APAF1: variants seen among roughly 807,000 people sequenced by gnomAD.
APAF1 encodes apoptotic protease-activating factor 1.
A neutral mutation model predicts 152.4 loss-of-function variants in APAF1; 91 were observed. The observed-to-expected ratio is 0.60, with a 90% CI of 0.50 to 0.71. APAF1 has a LOEUF of 0.71. Ranked by LOEUF, APAF1 falls within the 30% of genes least tolerant of loss-of-function variation. APAF1 has a pLI of 0.00. For synonymous variants in APAF1, 484 were observed against 494.1 expected, an observed-to-expected ratio of 0.98 and a Z score of 0.27; for missense variants, 1,283 against 1,472.0, an observed-to-expected ratio of 0.87 and a Z score of 2.10.
chr12:98,671,622 C>A lies in APAF1; in HGVS notation c.1696C>A (p.Leu566Met), dbSNP rs983997538. Residue 566 changes from leucine to methionine, a missense_variant, in exon 12 of 27, where the codon CTG becomes ATG. Physicochemically the swap from Leu to Met is conservative, Grantham distance 15 (BLOSUM62 2). Transcript: ENST00000551964. The stretch of plus-strand genomic sequence containing the variant: ...ACAGCCATTTCCTAATATTGTACAA[C>A]TGGGTCTCTGTGAGCCGGAAACTTC... Reference protein sequence around the residue: ...GRQPFPNIVQLGLCEPETSEV... With the variant: ...GRQPFPNIVQMGLCEPETSEV... 1 of 1,613,966 alleles carries A rather than the reference C, an allele frequency of 6.2e-7. No homozygotes were observed. Among genetic ancestry groups the A allele is most frequent in the Non-Finnish European group, 8.5e-7 (1 of 1,180,008 alleles).
At chr12:98,688,247 C>T (rs1409966362) in intron 16 of APAF1, among the ~76,000 whole-genome samples, 1 of 152,132 alleles carries the variant, frequency 6.6e-6, no homozygotes, top group East Asian at 1.9e-4. Flanking sequence ...TCTCTATTGT[C>T]TCTCCTGTTT....
At position 98,700,772 on chromosome 12, in the gene APAF1, T is replaced by C. The variant is rs374978814; in HGVS notation, c.2466+1203T>C. Among the ~76,000 whole-genome samples, 8 of 152,326 alleles carry C rather than the reference T, an allele frequency of 5.3e-5. 1 individual carries two copies. The highest frequency in any genetic ancestry group is 1.9e-4 in the East Asian group (1 of 5,186). On this transcript the variant is annotated intron_variant, in intron 17 of 26. Coordinates refer to ENST00000551964, the MANE Select transcript of APAF1 (RefSeq NM_181861.2). ...TGTAACCATGAAGTAATAACTCCTC[T>C]TTCCCCTCTCTTGCTAGACCTTTGT...
intron 21 of APAF1, 87 bp from the exon 22 acceptor site, chr12:98,715,340 G>C: frequency 7.7e-7 from 1 of 1,298,900 alleles, no homozygotes; most frequent in Non-Finnish European, 1.1e-6. Flanking sequence ...GTACCCTCCA[G>C]TCTAATTTTA....
intron 14 of APAF1, among the ~76,000 whole-genome samples, chr12:98,682,538 A>G (rs1439123): frequency 0.19 from 28,879 of 152,230 alleles, 2,890 homozygotes; most frequent in Non-Finnish European, 0.22. Context: ...GGGAACAGTA[A>G]TAGGGTTGAA....
intron 4 of APAF1, among the ~76,000 whole-genome samples, chr12:98,653,383 G>A (rs1330241849): frequency 1.3e-5 from 2 of 151,706 alleles, no homozygotes; most frequent in African/African-American, 4.8e-5. Flanking sequence ...TTAGCTGGGT[G>A]TGGTGGCTCG....
intron 23 of APAF1, 121 bp downstream of exon 23, chr12:98,723,433 T>C (rs779903658): frequency 4.2e-6 from 5 of 1,193,472 alleles, no homozygotes; most frequent in Non-Finnish European, 6.0e-6. Context: ...ATTTTTCTCA[T>C]GCTTGTTTTC....
chr12:98,651,259 T>A (rs1476079280), intron 4 of APAF1, among the ~76,000 whole-genome samples: 1 of 152,216 alleles, frequency 6.6e-6, no homozygotes, highest in Non-Finnish European at 1.5e-5. Flanking sequence ...TTATTTCCAT[T>A]TCAAAATTTC....
intron 15 of APAF1, among the ~76,000 whole-genome samples, chr12:98,686,160 A>G (rs1344802044): frequency 3.3e-5 from 5 of 152,214 alleles, no homozygotes; most frequent in Non-Finnish European, 5.9e-5. Flanking sequence ...ATCAGAATCC[A>G]AACAAACTTT....
chr12:98,669,966 A>T lies in APAF1; in HGVS notation c.1495-1007A>T, dbSNP rs147804308. 2.9e-4 allele frequency among the ~76,000 whole-genome samples: 42 copies of T among 143,628 alleles called. No individual in the cohort carries two copies. The East Asian group carries it at 7.3e-3, about 25-fold the overall frequency. 94.2% of individuals were successfully genotyped at this position (143,628 alleles called of 152,430 possible). ...CTTTCTTTGACAGGATCTCACCAGG[A>T]TGTCACTCTGTTGCCCAGGCTGGAG... is the stretch of plus-strand genomic sequence containing the variant. On this transcript the variant is annotated intron_variant, in intron 10 of 26. Coordinates refer to ENST00000551964, the MANE Select transcript of APAF1 (RefSeq NM_181861.2).
chr12:98,676,030 A>G (rs1232847733), intron 12 of APAF1, among the ~76,000 whole-genome samples: 1 of 152,234 alleles, frequency 6.6e-6, no homozygotes, highest in Non-Finnish European at 1.5e-5. Context: ...TACACACCTA[A>G]TAAGTATTAG....
At position 98,735,400 on chromosome 12, in the gene APAF1, AAAAAT is replaced by A. The variant is rs2097768255; in HGVS notation, c.*2840_*2844del. 1 of 427,624 alleles carries A rather than the reference AAAAAT, an allele frequency of 2.3e-6. No homozygotes were observed. Among genetic ancestry groups the A allele is most frequent in the Non-Finnish European group, 4.2e-6 (1 of 239,758 alleles). 26.5% of individuals were successfully genotyped at this position (427,624 alleles called of 1,614,324 possible). On this transcript the variant is annotated 3_prime_UTR_variant, in exon 27 of 27. Coordinates refer to ENST00000551964, the MANE Select transcript of APAF1 (RefSeq NM_181861.2). ...AAATATGAATTTAAAAAATTTTTGT[AAAAAT>A]AAAATTCACAAAATTGTTTTGAAAA...
At chr12:98,709,723 G>A (rs2097725802) in intron 20 of APAF1, among the ~76,000 whole-genome samples, 1 of 152,200 alleles carries the variant, frequency 6.6e-6, no homozygotes, top group Non-Finnish European at 1.5e-5. Flanking sequence ...ACTTGTGGCT[G>A]AGAGAGGTGG....
intron 12 of APAF1, among the ~76,000 whole-genome samples, chr12:98,675,725 G>A (rs553434211): frequency 6.6e-6 from 1 of 152,216 alleles, no homozygotes; most frequent in South Asian, 2.1e-4. Flanking sequence ...GAGCATCCAT[G>A]GATTTTGGTA....
intron 17 of APAF1, among the ~76,000 whole-genome samples, chr12:98,701,669 T>A (rs749506718): frequency 4.6e-5 from 7 of 152,244 alleles, no homozygotes; most frequent in Non-Finnish European, 8.8e-5. Context: ...GATAATTTTA[T>A]ATTGCATGAA....
At chr12:98,651,103 A>G (rs2153305911) in intron 4 of APAF1, among the ~76,000 whole-genome samples, 1 of 152,336 alleles carries the variant, frequency 6.6e-6, no homozygotes, top group Admixed American at 6.5e-5. Flanking sequence ...AATCCTAGAG[A>G]TACTGGCAAC....
chr12:98,649,144 A>G (rs1474542539), intron 3 of APAF1: 8 of 801,342 alleles, frequency 1.0e-5, no homozygotes, highest in Non-Finnish European at 1.2e-5. Flanking sequence ...CTTTAGAAAT[A>G]TATGTTCTTG....
intron 16 of APAF1, among the ~76,000 whole-genome samples, chr12:98,687,499 A>G (rs1009066690): frequency 2.0e-5 from 3 of 152,026 alleles, no homozygotes; most frequent in South Asian, 2.1e-4. Context: ...TTGTGCTTCT[A>G]TAATTTATGT....
Position 98,648,724 on chromosome 12 carries a change from A to C in APAF1, c.237A>C (p.Gly79=). 9 of 1,613,910 alleles carry C rather than the reference A, an allele frequency of 5.6e-6. No homozygotes were observed. The highest frequency in any genetic ancestry group is 2.2e-5 in the South Asian group (2 of 91,076). Residue 79 remains glycine (G), a synonymous_variant, in exon 3 of 27, where the codon GGA becomes GGC. Transcript: ENST00000551964. ...TCTACAATGCTCTACTACATGAAGG[A>C]TATAAAGATCTTGCTGCCCTTCTCC... ...VSFYNALLHE[G]YKDLAALLHD...
At chr12:98,659,855 G>A (rs1349973059) in intron 5 of APAF1, among the ~76,000 whole-genome samples, 1 of 149,746 alleles carries the variant, frequency 6.7e-6, no homozygotes. Flanking sequence ...GCTGCCACTC[G>A]GCCTAAAATT....
Sources: allele counts gnomAD v4.1 joint callset (sites outside exome capture counted in the v4.1 genomes callset), GRCh38; gene constraint gnomAD v4.1.1; transcripts MANE v1.5; gene names NCBI Gene and HGNC (gene_info 2026-07-23, HGNC 2026-07-21).